Variants in POC5 observed in about 807,000 individuals in gnomAD.
The protein encoded by POC5 is POC5 centriolar protein, also known as centrosomal protein POC5.
In POC5, 48 loss-of-function variants were observed where a neutral mutation model predicts 62.9. The observed-to-expected ratio is 0.76, with a 90% CI of 0.61 to 0.97. The LOEUF (loss-of-function observed/expected upper bound fraction) is 0.97, where lower values mean the gene tolerates loss of function less well. POC5 is among the 50% of genes least tolerant of loss of function. POC5 has a pLI of 0.00. For missense variants in POC5, 696 were observed against 679.5 expected (o/e 1.02, Z -0.27); for synonymous variants, 236 against 228.2 (o/e 1.03, Z -0.31).
Position 75,685,397 on chromosome 5 carries a change from G to A in POC5, c.1217C>T (p.Pro406Leu). The change falls in exon 10 of 12, where the codon CCT becomes CTT. Residue 406 changes from proline (P) to leucine (L), a missense_variant. By Grantham distance (98) the Pro-to-Leu change is moderately conservative. Transcript: ENST00000428202. ...EHSAHLDPSA[P>L]PMPLPVTSPL... ...TGATGTAACTGGTAAGGGCATCGGA[G>A]GAGCTGAAGGATCCAAATGAGCAGA... 1 of 1,614,016 alleles carries A rather than the reference G, an allele frequency of 6.2e-7. No individual in the cohort carries two copies. The highest frequency in any genetic ancestry group is 2.2e-5 in the East Asian group (1 of 44,886).
chr5:75,715,458 G>C (rs552334134), intron 1 of POC5, among the ~76,000 whole-genome samples: 1 of 151,676 alleles, frequency 6.6e-6, no homozygotes, highest in East Asian at 1.9e-4. Flanking sequence ...CTTAGATGGC[G>C]GCAGGTGAGA....
chr5:75,682,161 G>C (rs896927186), intron 10 of POC5, among the ~76,000 whole-genome samples: 5 of 151,930 alleles, frequency 3.3e-5, no homozygotes, highest in African/African-American at 1.2e-4. Context: ...AGAATATTAT[G>C]GTTTTCAGGT....
In POC5 at chr5:75,674,535, A is replaced by C. The variant is rs774332322; in HGVS notation, c.1628T>G (p.Ile543Ser). 8.1e-6 allele frequency: 13 copies of C among 1,613,916 alleles called. No individual in the cohort carries two copies. The African/African-American group carries it at 1.7e-4, about 22-fold the overall frequency. The part of the protein sequence containing the change: ...QATAAKYPRT[I>S]HPESSTSASR... ...AGCTGAGGTACTACTTTCAGGATGA[A>C]TGGTCCGGGGATATTTTGCTGCAGT... Residue 543 changes from isoleucine (I) to serine (S), a missense_variant, in exon 12 of 12, where the codon ATT (isoleucine) becomes AGT (serine). Transcript: ENST00000428202.
Position 75,685,469 on chromosome 5 carries a change from T to C in POC5, c.1145A>G (p.Asn382Ser), listed in dbSNP as rs781269733. 6.2e-7 allele frequency: 1 copy of C among 1,610,748 alleles called. No homozygotes were observed. The highest frequency in any genetic ancestry group is 8.5e-7 in the Non-Finnish European group (1 of 1,177,250). ...AGGACCATACTCTTCCTTTTTATTA[T>C]TTGTGGAGTCTATCCCTATAAATCA... ...NRNDAGIDST[N>S]NKKEEYGPGV... The change falls in exon 10 of 12, where the codon AAT (asparagine) becomes AGT (serine). Residue 382 changes from asparagine (N) to serine (S), a missense_variant. Asn to Ser is a conservative substitution (Grantham distance 46). Coordinates refer to ENST00000428202, the MANE Select transcript of POC5 (RefSeq NM_001099271.2).
chr5:75,691,371 T>A (rs1275389979), intron 7 of POC5, among the ~76,000 whole-genome samples: 2 of 152,150 alleles, frequency 1.3e-5, no homozygotes, highest in Non-Finnish European at 2.9e-5. Flanking sequence ...GCATCTCTAA[T>A]CCAAAAATCT....
intron 7 of POC5, among the ~76,000 whole-genome samples, chr5:75,691,237 T>C (rs1776320206): frequency 6.6e-6 from 1 of 152,122 alleles, no homozygotes; most frequent in Non-Finnish European, 1.5e-5. Context: ...CAAAGTAGAG[T>C]ATAAATATTC....
In POC5 at chr5:75,677,622, A is replaced by T. The variant is rs190682522; in HGVS notation, c.1584+152T>A. 353 of 107,612 alleles carry T rather than the reference A, an allele frequency of 3.3e-3. 1 individual carries two copies. In the African/African-American group the frequency reaches 0.035, roughly 11 times the overall value. 6.7% of individuals were successfully genotyped at this position (107,612 alleles called of 1,614,324 possible). On this transcript the variant is annotated intron_variant, in intron 11 of 11. Coordinates refer to ENST00000428202, the MANE Select transcript of POC5 (RefSeq NM_001099271.2). The stretch of plus-strand genomic sequence containing the variant: ...TTTGAGAAAAACAAGTATATATATT[A>T]AAAAAAAAAAAAAAACTGTAACAGG...
rs762245044 is a variant in POC5, at chr5:75,707,797, T to C, written c.163A>G (p.Lys55Glu). Residue 55 changes from lysine to glutamate, a missense_variant, in exon 3 of 12, where the codon AAG becomes GAG. Transcript: ENST00000428202. ...EPCASQSSHP[K>E]GELVPDVRIS... ...CTGACATCTGGCACCAATTCTCCCT[T>C]AGGATGAGATGACTGTGAAGCACAG... 8 of 1,578,974 alleles carry C rather than the reference T, an allele frequency of 5.1e-6. No homozygotes were observed. The highest frequency in any genetic ancestry group is 1.2e-5 in the South Asian group (1 of 86,730).
intron 6 of POC5, 39 bp from the exon 7 acceptor site, chr5:75,692,539 A>AT (rs1776387106): frequency 6.9e-7 from 1 of 1,444,404 alleles, no homozygotes; most frequent in Admixed American, 2.0e-5. Flanking sequence ...TGATATTAAA[A>AT]TAACAGCAAT....
intron 6 of POC5, among the ~76,000 whole-genome samples, chr5:75,693,059 T>C (rs2112128444): frequency 6.8e-6 from 1 of 147,850 alleles, no homozygotes; most frequent in South Asian, 2.1e-4. Flanking sequence ...TACCTATTAA[T>C]AACATGTTAT....
At chr5:75,688,386 AG>A (rs1776183325) in intron 9 of POC5, among the ~76,000 whole-genome samples, 1 of 152,236 alleles carries the variant, frequency 6.6e-6, no homozygotes, top group South Asian at 2.1e-4. Context: ...AGGCCGAATG[AG>A]GAAAACAGGC....
intron 3 of POC5, among the ~76,000 whole-genome samples, chr5:75,706,615 G>A (rs1777132709): frequency 6.6e-6 from 1 of 151,182 alleles, no homozygotes; most frequent in African/African-American, 2.4e-5. Context: ...CTAGGCTGAA[G>A]TGCAGTGGCA....
intron 4 of POC5, among the ~76,000 whole-genome samples, chr5:75,703,028 CT>C (rs1776955564): frequency 1.3e-5 from 2 of 152,174 alleles, no homozygotes; most frequent in Admixed American, 6.5e-5. Context: ...CTCCCAATCC[CT>C]TCTCTCCCAG....
intron 2 of POC5, among the ~76,000 whole-genome samples, chr5:75,711,936 C>T (rs776848984): frequency 1.3e-5 from 2 of 152,068 alleles, no homozygotes; most frequent in South Asian, 2.1e-4. Flanking sequence ...AATCAGACAG[C>T]GATGAAGGGT....
At chr5:75,684,385 G>A (rs72633978) in intron 10 of POC5, among the ~76,000 whole-genome samples, 34,727 of 132,924 alleles carry the variant, frequency 0.26, 4,486 homozygotes, top group South Asian at 0.34. Context: ...TTTTTTTTGC[G>A]ACGGAGTTTC....
chr5:75,715,887 G>A (rs994887308), intron 1 of POC5, among the ~76,000 whole-genome samples: 1 of 152,164 alleles, frequency 6.6e-6, no homozygotes, highest in Admixed American at 6.5e-5. Flanking sequence ...CAGAACATTA[G>A]AACTATGGAA....
chr5:75,703,815 G>A (rs547167128), intron 4 of POC5, among the ~76,000 whole-genome samples: 5 of 152,044 alleles, frequency 3.3e-5, no homozygotes, highest in African/African-American at 1.2e-4. Context: ...ATCCAGGGAG[G>A]TGGGGGAGAG....
chr5:75,713,013 G>GAT, intron 1 of POC5, 62 bp from the exon 2 acceptor site: 1 of 1,212,086 alleles, frequency 8.3e-7, no homozygotes, highest in Non-Finnish European at 1.2e-6. Flanking sequence ...ATCCTTTCCA[G>GAT]ATATATATAA....
At chr5:75,697,534 C>T (rs1474468827) in intron 5 of POC5, among the ~76,000 whole-genome samples, 1 of 152,030 alleles carries the variant, frequency 6.6e-6, no homozygotes, top group African/African-American at 2.4e-5. Flanking sequence ...CAGGCCTGCC[C>T]TAAAAGAGCT....
Sources: allele counts gnomAD v4.1 joint callset (sites outside exome capture counted in the v4.1 genomes callset), GRCh38; gene constraint gnomAD v4.1.1; transcripts MANE v1.5; gene names NCBI Gene and HGNC (gene_info 2026-07-23, HGNC 2026-07-21).